Variants in VPS13C observed in about 807,000 individuals in gnomAD.
The protein encoded by VPS13C is intermembrane lipid transfer protein VPS13C.
A neutral mutation model predicts 456.8 loss-of-function variants in VPS13C; 358 were observed. That is an observed-to-expected ratio of 0.78 (90% CI 0.72 to 0.86). The LOEUF (loss-of-function observed/expected upper bound fraction) is 0.86. VPS13C is among the 40% of genes least tolerant of loss of function. VPS13C has a pLI of 0.00. For missense variants in VPS13C, 4,818 were observed against 4,385.4 expected, an observed-to-expected ratio of 1.10 and a Z score of -2.79; for synonymous variants, 1,578 against 1,486.7, an observed-to-expected ratio of 1.06 and a Z score of -1.41.
intron 9 of VPS13C, among the ~76,000 whole-genome samples, chr15:62,018,263 T>C (rs1049642328): frequency 7.2e-5 from 11 of 152,228 alleles, no homozygotes; most frequent in African/African-American, 1.2e-4. Context: ...CTTTTCCTAA[T>C]TGAATACCCT....
chr15:62,000,446 C>G (rs989545775), intron 16 of VPS13C, 118 bp downstream of exon 16: 1 of 916,984 alleles, frequency 1.1e-6, no homozygotes, highest in African/African-American at 1.8e-5. Context: ...TTCTTTTCTC[C>G]TGAGACTAAA....
chr15:61,871,714 A>G (rs1895046373), intron 79 of VPS13C, among the ~76,000 whole-genome samples: 1 of 152,166 alleles, frequency 6.6e-6, no homozygotes, highest in Non-Finnish European at 1.5e-5. Context: ...AAAAACAACA[A>G]CAGCAAAACT....
chr15:61,890,116 C>T, intron 67 of VPS13C, 49 bp downstream of exon 67: 1 of 1,572,044 alleles, frequency 6.4e-7, no homozygotes, highest in Non-Finnish European at 8.7e-7. Flanking sequence ...CTATTATGAA[C>T]TTAATGCCTT....
At chr15:61,966,698 G>A (rs2140334938) in intron 29 of VPS13C, among the ~76,000 whole-genome samples, 1 of 151,948 alleles carries the variant, frequency 6.6e-6, no homozygotes, top group South Asian at 2.1e-4. Flanking sequence ...CAATTTCCCT[G>A]CCCCTCTGTT....
rs1416781369 is a variant in VPS13C at position 61,961,746 on chromosome 15, C to T, written c.3751G>A (p.Val1251Ile). 3 of 1,613,858 alleles carry T rather than the reference C, an allele frequency of 1.9e-6. No individual in the cohort carries two copies. The highest frequency in any genetic ancestry group is 1.3e-5 in the African/African-American group (1 of 74,866). ...INIDLKAPVI[V>I]IPQSSISTNA... The stretch of plus-strand genomic sequence containing the variant: ...GTGGAAATAGAAGACTGTGGGATGA[C>T]TATAACCGGTGCTTTCAAATCAATA... The change falls in exon 35 of 85, where the codon GTC becomes ATC. Residue 1251 changes from valine to isoleucine, a missense_variant. Physicochemically the swap from Val to Ile is conservative, Grantham distance 29. Transcript: ENST00000644861.
rs187210280 is a variant in VPS13C at position 62,016,628 on chromosome 15, T to C, written c.685-2636A>G. ...ATCATTTTTTATGGCTGCATAGTATTCCATGGTGTATATGTGCCACATTTT... is the reference window on the plus strand; with the variant it reads ...ATCATTTTTTATGGCTGCATAGTATCCCATGGTGTATATGTGCCACATTTT... On this transcript the variant is annotated intron_variant, in intron 9 of 84. Transcript: ENST00000644861. Among the ~76,000 whole-genome samples, 655 of 152,124 alleles carry C rather than the reference T, an allele frequency of 4.3e-3. 26 individuals are homozygous for C. In the East Asian group the frequency reaches 0.1, roughly 24 times the overall value.
intron 6 of VPS13C, among the ~76,000 whole-genome samples, chr15:62,025,223 A>ATTGG (rs893854119): frequency 8.5e-5 from 13 of 152,104 alleles, no homozygotes; most frequent in Admixed American, 6.6e-4. Flanking sequence ...GAAATTTTTA[A>ATTGG]TTGGTTCTTC....
rs1427031241 is a variant in VPS13C, at chr15:61,941,840, C to G, written c.5376G>C (p.Leu1792Phe). ...GAAGAGAATAATGTTCCATAGGAAC[C>G]AAGCTAAACTTGTTTTCAACTCTGA... is the stretch of plus-strand genomic sequence containing the variant. ...GLIRVENKFS[L>F]VPMEHYSLPP... Residue 1792 changes from leucine to phenylalanine, a missense_variant, in exon 46 of 85, where the codon TTG (leucine) becomes TTC (phenylalanine). Leu to Phe is a conservative substitution (Grantham distance 22). Coordinates refer to ENST00000644861, the MANE Select transcript of VPS13C (RefSeq NM_020821.3). The G allele has an allele frequency of 3.1e-6, 5 of 1,613,692 alleles. No homozygotes were observed. The highest frequency in any genetic ancestry group is 2.5e-6 in the Non-Finnish European group (3 of 1,179,826).
chr15:61,926,451 T>C (rs1021965545), intron 52 of VPS13C, among the ~76,000 whole-genome samples: 2 of 152,182 alleles, frequency 1.3e-5, no homozygotes, highest in Admixed American at 6.5e-5. Context: ...TTTGGTGACA[T>C]GTATAAAGAC....
At chr15:61,920,673 T>C (rs1322577509) in intron 55 of VPS13C, 26 bp from the exon 56 acceptor site, 2 of 1,548,848 alleles carry the variant, frequency 1.3e-6, no homozygotes, top group East Asian at 4.7e-5. Flanking sequence ...ACACAGCAAA[T>C]TTAAATTATT....
chr15:62,055,826 T>C (rs1292950510), intron 1 of VPS13C, among the ~76,000 whole-genome samples: 1 of 152,194 alleles, frequency 6.6e-6, no homozygotes, highest in Non-Finnish European at 1.5e-5. Flanking sequence ...GTAGGTCCCT[T>C]ACAAATGCAG....
chr15:61,989,595 G>C (rs1248946766), intron 18 of VPS13C, among the ~76,000 whole-genome samples: 4 of 151,460 alleles, frequency 2.6e-5, no homozygotes, highest in Non-Finnish European at 4.4e-5. Flanking sequence ...ATGAAGAAGA[G>C]ACTCAAAACC....
At chr15:61,860,135 G>T (rs1261324218) in intron 82 of VPS13C, among the ~76,000 whole-genome samples, 1 of 151,994 alleles carries the variant, frequency 6.6e-6, no homozygotes, top group Non-Finnish European at 1.5e-5. Context: ...TTTAAATTCA[G>T]TAAGAAAAAG....
At chr15:62,018,748 C>A (rs1280873733) in intron 9 of VPS13C, among the ~76,000 whole-genome samples, 2 of 152,000 alleles carry the variant, frequency 1.3e-5, no homozygotes, top group Non-Finnish European at 2.9e-5. Context: ...CTAAAATTCT[C>A]TTTTTTGGTT....
intron 5 of VPS13C, 82 bp from the exon 6 acceptor site, chr15:62,028,502 T>A (rs143462352): frequency 6.8e-6 from 9 of 1,314,910 alleles, no homozygotes; most frequent in Non-Finnish European, 9.7e-6. Flanking sequence ...TATACCTAAA[T>A]TTAATTTCAT....
intron 66 of VPS13C, among the ~76,000 whole-genome samples, chr15:61,903,952 C>A (rs905179324): frequency 6.6e-6 from 1 of 152,006 alleles, no homozygotes; most frequent in East Asian, 1.9e-4. Context: ...TAAACTAGAC[C>A]CCTACCTCTT....
At position 62,028,405 on chromosome 15, in the gene VPS13C, T is replaced by G; in HGVS notation, c.401A>C (p.Glu134Ala). 1.2e-6 allele frequency: 2 copies of G among 1,612,960 alleles called. No homozygotes were observed. Among genetic ancestry groups the G allele is most frequent in the Non-Finnish European group, 1.7e-6 (2 of 1,179,260 alleles). Residue 134 changes from glutamate to alanine, a missense_variant, in exon 6 of 85, where the codon GAG becomes GCG. This residue lies in a region of VPS13C where 4,552 missense variants were observed against 4,130.6 expected (regional missense o/e 1.10). Transcript: ENST00000644861. ...AAAGTTCTCCAAGCCATATATGAAC[T>G]CCCCTGAATGTGTGCCTGCATCCCA... ...KAAEKGTHSG[E>A]FIYGLENFVY...
In VPS13C at chr15:61,880,610, T is replaced by G. The variant is rs777719890; in HGVS notation, c.10001A>C (p.Lys3334Thr). The part of the protein sequence containing the change: ...FFEHFHISPV[K>T]LHLSLSLGSG... ...TTCAAAATAATAATTACAACAAACC[T>G]TCACAGGAGAAATATGGAAATGTTC... The change falls in exon 73 of 85, where the codon AAG becomes ACG. Residue 3334 changes from lysine to threonine, a missense_variant and splice_region_variant. Around this residue, in one of 3 missense-constraint regions of VPS13C, gnomAD observed 4,552 missense variants for 4,130.6 expected, o/e 1.10. Transcript: ENST00000644861. The G allele has an allele frequency of 1.9e-6, 3 of 1,555,994 alleles. No homozygotes were observed. In the South Asian group the frequency reaches 3.6e-5, roughly 19 times the overall value.
At chr15:61,882,763 A>G (rs1895961438) in intron 68 of VPS13C, 27 bp from the exon 69 acceptor site, 1 of 1,572,362 alleles carries the variant, frequency 6.4e-7, no homozygotes, top group Non-Finnish European at 8.6e-7. Flanking sequence ...TGTTTTTGTG[A>G]TGAGCTGATA....
Sources: gnomAD v4.1 joint callset for allele counts (sites outside exome capture counted in the v4.1 genomes callset) on GRCh38, gnomAD v4.1.1 for gene constraint, gnomAD v4.1.1 regional missense constraint, MANE v1.5 for transcripts, NCBI Gene and HGNC (gene_info 2026-07-23, HGNC 2026-07-21) for gene names.